The following COL4A5 variants were observed in gnomAD, a reference collection of about 807,000 sequenced individuals.
COL4A5 encodes collagen type IV alpha 5 chain, also known as collagen alpha-5(IV) chain.
Under a neutral mutation model 130.2 loss-of-function variants are expected in COL4A5, and 26 were observed. The observed-to-expected ratio is 0.20, with a 90% CI of 0.15 to 0.28. The LOEUF is 0.28. Ranked by LOEUF, COL4A5 falls within the 10% of genes least tolerant of loss-of-function variation. COL4A5 has a pLI of 1.00. For synonymous variants in COL4A5, 496 were observed against 439.6 expected, an observed-to-expected ratio of 1.13 and a Z score of -1.60; for missense variants, 1,131 against 1,344.3, an observed-to-expected ratio of 0.84 and a Z score of 2.48.
intron 28 of COL4A5, among the ~76,000 whole-genome samples, chrX:108,606,295 T>C (rs2066726748): frequency 8.9e-6 from 1 of 112,107 alleles, no homozygotes; most frequent in Admixed American, 9.4e-5. Context: ...GCTTAAATAT[T>C]TTACCCAAAT....
intron 21 of COL4A5, among the ~76,000 whole-genome samples, chrX:108,593,390 T>A (rs1298765890): frequency 8.9e-6 from 1 of 111,835 alleles, no homozygotes; most frequent in African/African-American, 3.3e-5. Flanking sequence ...TCTTCTGTTT[T>A]GTTAACTTTT....
At chrX:108,596,286 A>G (rs757763136) in intron 22 of COL4A5, among the ~76,000 whole-genome samples, 1 of 112,277 alleles carries the variant, frequency 8.9e-6, no homozygotes, top group African/African-American at 3.2e-5. Flanking sequence ...TGTAGACATT[A>G]TTGGACATTA....
At chrX:108,457,379 C>CTAA (rs1306986772) in intron 1 of COL4A5, among the ~76,000 whole-genome samples, 3 of 111,771 alleles carry the variant, frequency 2.7e-5, no homozygotes, top group African/African-American at 9.8e-5. Flanking sequence ...GTGAATTTTA[C>CTAA]AGTATGTTAA....
intron 34 of COL4A5, among the ~76,000 whole-genome samples, chrX:108,624,866 C>A (rs1225647177): frequency 9.0e-6 from 1 of 111,159 alleles, no homozygotes; most frequent in Non-Finnish European, 1.9e-5. Flanking sequence ...TACTAAAACT[C>A]TTTCTTGTTT....
At position 108,547,496 on chromosome X, in the gene COL4A5, G is replaced by A. The variant is rs187131369; in HGVS notation, c.141+7691G>A. On this transcript the variant is annotated intron_variant, in intron 2 of 52. Transcript: ENST00000328300. ...TTTCATCTCAGAGGGGTACCCGGCC[G>A]TGTGAGGTGTCAGTCTGCCCCTACT... 4.1e-3 allele frequency among the ~76,000 whole-genome samples: 463 copies of A among 111,752 alleles called. 5 individuals are homozygous for A. Among genetic ancestry groups the A allele is most frequent in the Admixed American group, 0.039 (416 of 10,554 alleles).
Position 108,526,587 on chromosome X carries a change from CCCTCCCTCCTTTCTTTCTTT to C in COL4A5, c.82-13157_82-13138del, listed in dbSNP as rs1348396046. Among the ~76,000 whole-genome samples the C allele has an allele frequency of 1.2e-4, 7 of 60,513 alleles. 1 individual carries two copies. The highest frequency in any genetic ancestry group is 5.9e-4 in the African/African-American group (7 of 11,781). 52.5% of individuals were successfully genotyped at this position (60,513 alleles called of 115,157 possible). A position where few individuals can be genotyped will look rare whatever the true frequency, so the allele number is the denominator to read the frequency against. On this transcript the variant is annotated intron_variant, in intron 1 of 52. Transcript: ENST00000328300. ...TCCTTCCTTTCCTCCCTCCCTCCCT[CCCTCCCTCCTTTCTTTCTTT>C]CTTTCTTTCTTTCTTTCTTTCTTTC... is the stretch of plus-strand genomic sequence containing the variant.
chrX:108,465,329 A>G (rs1361412928), intron 1 of COL4A5, among the ~76,000 whole-genome samples: 2 of 111,915 alleles, frequency 1.8e-5, no homozygotes, highest in Admixed American at 9.5e-5. Context: ...TTGTTGTTTT[A>G]ATTTGCTTTT....
chrX:108,491,657 C>T (rs888452046), intron 1 of COL4A5, among the ~76,000 whole-genome samples: 2 of 111,371 alleles, frequency 1.8e-5, no homozygotes, highest in Non-Finnish European at 3.8e-5. Flanking sequence ...CCTTGTCCCA[C>T]CCCCTGCTCT....
intron 1 of COL4A5, among the ~76,000 whole-genome samples, chrX:108,533,328 T>A (rs888931137): frequency 2.7e-5 from 3 of 111,502 alleles, no homozygotes; most frequent in Admixed American, 1.9e-4. Flanking sequence ...GATAGCCACA[T>A]GTAGAAGAAT....
intron 1 of COL4A5, among the ~76,000 whole-genome samples, chrX:108,529,321 C>G (rs1183026538): frequency 9.0e-6 from 1 of 111,073 alleles, no homozygotes; most frequent in East Asian, 2.8e-4. Context: ...TCAAGTGAGT[C>G]CTAAACCTGG....
intron 36 of COL4A5, among the ~76,000 whole-genome samples, chrX:108,652,165 C>A (rs2067743824): frequency 9.0e-6 from 1 of 111,623 alleles, no homozygotes; most frequent in South Asian, 3.7e-4. Flanking sequence ...TTTGATTGTG[C>A]TTATGGTATC....
intron 1 of COL4A5, among the ~76,000 whole-genome samples, chrX:108,467,910 T>A (rs1225261211): frequency 9.0e-6 from 1 of 111,679 alleles, no homozygotes; most frequent in Non-Finnish European, 1.9e-5. Flanking sequence ...CTTTAAGGCT[T>A]TCTGTATACA....
intron 2 of COL4A5, among the ~76,000 whole-genome samples, chrX:108,550,302 A>G (rs757950358): frequency 8.9e-6 from 1 of 111,879 alleles, no homozygotes; most frequent in Non-Finnish European, 1.9e-5. Context: ...ATCAAATCCA[A>G]CAACATATAA....
intron 1 of COL4A5, among the ~76,000 whole-genome samples, chrX:108,537,119 T>A (rs1275168650): frequency 1.8e-5 from 2 of 111,260 alleles, no homozygotes; most frequent in Non-Finnish European, 3.8e-5. Context: ...CTAATCAATA[T>A]TAATAGATGT....
chrX:108,529,353 G>C (rs1053588186), intron 1 of COL4A5, among the ~76,000 whole-genome samples: 7 of 111,360 alleles, frequency 6.3e-5, no homozygotes, highest in Admixed American at 1.9e-4. Flanking sequence ...CAATATTTAA[G>C]ATCATGAAAG....
At chrX:108,488,946 A>G (rs2064971919) in intron 1 of COL4A5, among the ~76,000 whole-genome samples, 1 of 111,984 alleles carries the variant, frequency 8.9e-6, no homozygotes. Context: ...TTGACAAACA[A>G]ATGAACCAAC....
chrX:108,563,392 C>T (rs111773233), intron 3 of COL4A5, among the ~76,000 whole-genome samples: 2,271 of 110,817 alleles, frequency 0.02, 16 homozygotes, highest in East Asian at 0.036. Flanking sequence ...ATCGTTCTTA[C>T]GCTCTGCCAA....
At chrX:108,683,049 C>G in intron 47 of COL4A5, among the ~76,000 whole-genome samples, 1 of 111,900 alleles carries the variant, frequency 8.9e-6, no homozygotes, top group East Asian at 2.8e-4. Context: ...AAGTCTTTAA[C>G]TTATCTTGAG....
chrX:108,655,345 G>A lies in COL4A5; in HGVS notation c.3261G>A (p.Leu1087=). The stretch of plus-strand genomic sequence containing the variant: ...CGTGTTTTCAGGGTGAGCCTGGTCT[G>A]CCTGGATACCCAGGGAACCCTGGTA... The part of the protein sequence containing the change: ...GLPGPKGEPG[L]PGYPGNPGIK... Residue 1087 remains leucine, a synonymous_variant, in exon 37 of 53, where the codon CTG becomes CTA. Transcript: ENST00000328300. 3 of 1,210,104 alleles carry A rather than the reference G, an allele frequency of 2.5e-6. No homozygotes were observed. Among genetic ancestry groups the A allele is most frequent in the Non-Finnish European group, 3.4e-6 (3 of 894,648 alleles).
Sources: allele counts gnomAD v4.1 joint callset (sites outside exome capture counted in the v4.1 genomes callset), GRCh38; gene constraint gnomAD v4.1.1; transcripts MANE v1.5; gene names NCBI Gene and HGNC (gene_info 2026-07-23, HGNC 2026-07-21).